The following GRID2 variants were observed in gnomAD, a reference collection of about 807,000 sequenced individuals.
GRID2 encodes glutamate receptor ionotropic, delta-2.
GRID2 carries 33 observed loss-of-function variants against 114.8 expected under a neutral mutation model. That is an observed-to-expected ratio of 0.29 (90% CI 0.22 to 0.38). The LOEUF (loss-of-function observed/expected upper bound fraction) is 0.38, where lower values mean the gene tolerates loss of function less well. GRID2 is among the 10% of genes least tolerant of loss of function. The pLI is 1.00. For synonymous variants in GRID2, 505 were observed against 449.9 expected (o/e 1.12, Z -1.55); for missense variants, 1,184 against 1,257.7 (o/e 0.94, Z 0.89).
At chr4:92,490,964 A>G (rs944156494) in intron 1 of GRID2, among the ~76,000 whole-genome samples, 2 of 152,182 alleles carry the variant, frequency 1.3e-5, no homozygotes, top group African/African-American at 2.4e-5. Context: ...CAAAAATAGA[A>G]TGGAATGAAA....
intron 2 of GRID2, among the ~76,000 whole-genome samples, chr4:93,043,932 A>T (rs180764249): frequency 1.4e-4 from 21 of 149,728 alleles, no homozygotes; most frequent in East Asian, 5.8e-4. Context: ...TATATATATA[A>T]AAATAAAAAA....
At chr4:93,342,511 A>G (rs1759773416) in intron 8 of GRID2, among the ~76,000 whole-genome samples, 1 of 152,136 alleles carries the variant, frequency 6.6e-6, no homozygotes, top group African/African-American at 2.4e-5. Context: ...CACAATTTGT[A>G]ATGATTTGTT....
At chr4:93,021,188 A>G (rs1723250388) in intron 2 of GRID2, among the ~76,000 whole-genome samples, 1 of 151,992 alleles carries the variant, frequency 6.6e-6, no homozygotes, top group African/African-American at 2.4e-5. Flanking sequence ...CTGAAAAAAT[A>G]AGTTTTGTAT....
intron 12 of GRID2, 92 bp downstream of exon 12, chr4:93,490,869 T>C (rs976001452): frequency 7.3e-6 from 6 of 818,602 alleles, no homozygotes; most frequent in Middle Eastern, 2.4e-4. Flanking sequence ...TGTCTCATAA[T>C]AAATGTACAA....
chr4:92,665,084 C>A (rs541037574), intron 2 of GRID2, among the ~76,000 whole-genome samples: 101 of 149,468 alleles, frequency 6.8e-4, no homozygotes, highest in African/African-American at 2.4e-3. Flanking sequence ...TTTCTGCAAG[C>A]ATTATAAATT....
At chr4:93,243,668 G>A (rs1472506259) in intron 8 of GRID2, among the ~76,000 whole-genome samples, 1 of 152,098 alleles carries the variant, frequency 6.6e-6, no homozygotes, top group African/African-American at 2.4e-5. Flanking sequence ...TCTTGGCATT[G>A]TATGAATGAT....
intron 2 of GRID2, among the ~76,000 whole-genome samples, chr4:93,045,056 G>A (rs567701695): frequency 6.6e-6 from 1 of 152,116 alleles, no homozygotes; most frequent in East Asian, 1.9e-4. Context: ...TTTTGTGTAG[G>A]CCATGAAGAT....
intron 2 of GRID2, among the ~76,000 whole-genome samples, chr4:92,635,875 ATAT>A (rs976123650): frequency 6.6e-6 from 1 of 152,094 alleles, no homozygotes; most frequent in Non-Finnish European, 1.5e-5. Context: ...CCATTTAACA[ATAT>A]TATATTTGCA....
At chr4:93,650,564 C>G (rs964036763) in intron 14 of GRID2, among the ~76,000 whole-genome samples, 8 of 152,064 alleles carry the variant, frequency 5.3e-5, no homozygotes, top group African/African-American at 1.4e-4. Context: ...GTACAAGACC[C>G]TCTGTTTTAA....
chr4:93,658,318 A>G (rs1206122608), intron 14 of GRID2, among the ~76,000 whole-genome samples: 4 of 152,222 alleles, frequency 2.6e-5, no homozygotes, highest in African/African-American at 9.7e-5. Context: ...GAGCATCAAC[A>G]GAAGTTAGTA....
chr4:92,413,494 T>C (rs2110307078), intron 1 of GRID2, among the ~76,000 whole-genome samples: 1 of 152,276 alleles, frequency 6.6e-6, no homozygotes, highest in South Asian at 2.1e-4. Context: ...GATTAGATTG[T>C]GGGCCACTGG....
intron 2 of GRID2, among the ~76,000 whole-genome samples, chr4:92,834,960 C>T (rs900465911): frequency 1.3e-5 from 2 of 152,084 alleles, no homozygotes; most frequent in African/African-American, 4.8e-5. Flanking sequence ...TGATGAGACC[C>T]TGTTTCCTCA....
At chr4:93,527,025 A>G (rs765128732) in intron 13 of GRID2, among the ~76,000 whole-genome samples, 1 of 152,068 alleles carries the variant, frequency 6.6e-6, no homozygotes, top group South Asian at 2.1e-4. Flanking sequence ...TGTAAGTTTC[A>G]TTCGCTTTCT....
intron 13 of GRID2, among the ~76,000 whole-genome samples, chr4:93,581,252 G>A (rs779974978): frequency 1.7e-4 from 26 of 151,912 alleles, no homozygotes; most frequent in Non-Finnish European, 3.2e-4. Flanking sequence ...AGTGATAGAG[G>A]TGAAAGGAGA....
intron 2 of GRID2, among the ~76,000 whole-genome samples, chr4:92,684,891 G>A (rs1560531454): frequency 6.6e-6 from 1 of 151,996 alleles, no homozygotes; most frequent in Non-Finnish European, 1.5e-5. Context: ...TTTATCTTCT[G>A]TGCTAATTTA....
chr4:93,209,677 CTT>C (rs1327293542), intron 5 of GRID2, among the ~76,000 whole-genome samples: 1 of 151,962 alleles, frequency 6.6e-6, no homozygotes, highest in Non-Finnish European at 1.5e-5. Flanking sequence ...TCACCAAACT[CTT>C]TTCCACAATG....
chr4:92,485,492 G>A (rs931326824), intron 1 of GRID2, among the ~76,000 whole-genome samples: 3 of 150,602 alleles, frequency 2.0e-5, no homozygotes, highest in Non-Finnish European at 4.4e-5. Context: ...CTGAGGTCAG[G>A]AGTTCAAGAC....
At chr4:92,907,073 T>A (rs1205377469) in intron 2 of GRID2, among the ~76,000 whole-genome samples, 1 of 152,212 alleles carries the variant, frequency 6.6e-6, no homozygotes, top group African/African-American at 2.4e-5. Flanking sequence ...AGGTATTTTA[T>A]TAATGGAATT....
chr4:93,415,935 G>A (rs1767659508), intron 9 of GRID2, among the ~76,000 whole-genome samples: 1 of 151,862 alleles, frequency 6.6e-6, no homozygotes, highest in Non-Finnish European at 1.5e-5. Context: ...ATTTGTAATT[G>A]TATCTTATTG....
Sources: gnomAD v4.1 joint callset for allele counts (sites outside exome capture counted in the v4.1 genomes callset) on GRCh38, gnomAD v4.1.1 for gene constraint, MANE v1.5 for transcripts, NCBI Gene and HGNC (gene_info 2026-07-23, HGNC 2026-07-21) for gene names.